POC1B: variants seen among roughly 807,000 people sequenced by gnomAD.
The protein encoded by POC1B is POC1 centriolar protein B.
In POC1B, 44 loss-of-function variants were observed where a neutral mutation model predicts 60.6. The observed-to-expected ratio is 0.73, with a 90% confidence interval of 0.57 to 0.93. The LOEUF (loss-of-function observed/expected upper bound fraction) is 0.93. Ranked by LOEUF, POC1B falls within the 40% of genes least tolerant of loss-of-function variation. POC1B has a pLI of 0.00. For missense variants in POC1B, 555 were observed against 572.3 expected (o/e 0.97, Z 0.31); for synonymous variants, 180 against 198.9 (o/e 0.90, Z 0.80).
chr12:89,466,606 TA>T, intron 9 of POC1B, 163 bp downstream of exon 9: 1 of 567,116 alleles, frequency 1.8e-6, no homozygotes, highest in Non-Finnish European at 2.9e-6. Context: ...GAAACAAATA[TA>T]AAACTTTATT....
intron 9 of POC1B, among the ~76,000 whole-genome samples, chr12:89,466,011 C>G (rs1200238097): frequency 6.6e-6 from 1 of 152,170 alleles, no homozygotes. Flanking sequence ...TGCATTGCTG[C>G]TCAGGAATAC....
Position 89,523,348 on chromosome 12 carries a change from G to A in POC1B, c.100+1772C>T, listed in dbSNP as rs563822484. ...AATATCACCATAAGCTTCTTTTCTT[G>A]CTGGAGGGTTTCTATTGTAGAAGTG... On this transcript the variant is annotated intron_variant, in intron 2 of 11. Transcript: ENST00000313546. 8 of 1,614,010 alleles carry A rather than the reference G, an allele frequency of 5.0e-6. No homozygotes were observed. In the African/African-American group the frequency reaches 1.1e-4, roughly 22 times the overall value.
At chr12:89,459,903 A>C in intron 9 of POC1B, 185 bp from the exon 10 acceptor site, 1 of 500,542 alleles carries the variant, frequency 2.0e-6, no homozygotes, top group Non-Finnish European at 3.5e-6. Flanking sequence ...AACGTATAAG[A>C]AAAGATCATT....
chr12:89,467,422 A>C (rs1882724363), intron 8 of POC1B, among the ~76,000 whole-genome samples, 195 bp downstream of exon 8: 1 of 152,204 alleles, frequency 6.6e-6, no homozygotes, highest in Non-Finnish European at 1.5e-5. Context: ...AAAGAAAATA[A>C]CTATTTGAGT....
chr12:89,472,277 T>C lies in POC1B; in HGVS notation c.453-2A>G. The C allele has an allele frequency of 6.4e-7, 1 of 1,552,274 alleles. No individual in the cohort carries two copies. The highest frequency in any genetic ancestry group is 1.7e-5 in the Admixed American group (1 of 59,160). On this transcript the variant is annotated splice_acceptor_variant, in intron 4 of 11. Transcript: ENST00000313546. LOFTEE classifies it high-confidence loss of function. ...ATTAGTCTTCCATCGGGTGAAAATC[T>C]AGAAAGAAGAAGAAAGAAGATGTTT... is the stretch of plus-strand genomic sequence containing the variant.
intron 10 of POC1B, among the ~76,000 whole-genome samples, chr12:89,450,888 C>T (rs998270431): frequency 3.9e-5 from 6 of 152,002 alleles, no homozygotes; most frequent in Non-Finnish European, 7.4e-5. Flanking sequence ...CAAAGTACAG[C>T]CATTATTTTA....
chr12:89,479,618 C>T (rs1883244680), intron 4 of POC1B, among the ~76,000 whole-genome samples: 1 of 151,860 alleles, frequency 6.6e-6, no homozygotes, highest in African/African-American at 2.4e-5. Flanking sequence ...ACTACCTATT[C>T]ACCTCCTCTT....
intron 10 of POC1B, among the ~76,000 whole-genome samples, chr12:89,448,129 A>T (rs1312719778): frequency 6.6e-6 from 1 of 152,142 alleles, no homozygotes; most frequent in East Asian, 1.9e-4. Context: ...TTACCAGGAA[A>T]GCATAGCTGT....
At chr12:89,407,569 A>T in the POC1B span, among the ~76,000 whole-genome samples, 1 of 152,178 alleles carries the variant, frequency 6.6e-6, no homozygotes, top group African/African-American at 2.4e-5. Context: ...AAATATTGGC[A>T]CCTAATTTGA....
chr12:89,495,700 TGGATGATTTTG>T (rs757239124), intron 3 of POC1B, among the ~76,000 whole-genome samples: 1 of 152,056 alleles, frequency 6.6e-6, no homozygotes, highest in Non-Finnish European at 1.5e-5. Context: ...GGGGGAAGGA[TGGATGATTTTG>T]GGATGATTCA....
chr12:89,402,109 A>G, the POC1B span, among the ~76,000 whole-genome samples: 3 of 152,200 alleles, frequency 2.0e-5, no homozygotes, highest in African/African-American at 7.2e-5. Context: ...GCAGGTGTCC[A>G]GTTAAGTGTT....
intron 9 of POC1B, among the ~76,000 whole-genome samples, chr12:89,460,373 A>G (rs1387488420): frequency 6.6e-6 from 1 of 152,210 alleles, no homozygotes; most frequent in Non-Finnish European, 1.5e-5. Flanking sequence ...TAGAAACTGT[A>G]TCATAAATAA....
At chr12:89,513,965 G>A (rs1870311962) in intron 2 of POC1B, among the ~76,000 whole-genome samples, 1 of 152,142 alleles carries the variant, frequency 6.6e-6, no homozygotes, top group South Asian at 2.1e-4. Flanking sequence ...AAAAAGGGAT[G>A]ACAACACTTC....
At chr12:89,514,917 G>A (rs947538017) in intron 2 of POC1B, among the ~76,000 whole-genome samples, 28 of 151,860 alleles carry the variant, frequency 1.8e-4, no homozygotes, top group South Asian at 4.2e-4. Flanking sequence ...TGGTACCCAC[G>A]CCTTCTCTCC....
At chr12:89,421,330 A>G in intron 11 of POC1B, 73 bp from the exon 12 acceptor site, 1 of 1,273,322 alleles carries the variant, frequency 7.9e-7, no homozygotes, top group Non-Finnish European at 1.1e-6. Flanking sequence ...ATCTCTGCAT[A>G]GGAAATCCTT....
At chr12:89,424,493 C>T (rs141966895) in intron 11 of POC1B, among the ~76,000 whole-genome samples, 1 of 152,118 alleles carries the variant, frequency 6.6e-6, no homozygotes, top group Non-Finnish European at 1.5e-5. Context: ...CTACTGTCCA[C>T]TCTGACAAAT....
At chr12:89,413,874 G>GTTTA in the POC1B span, among the ~76,000 whole-genome samples, 1,222 of 151,762 alleles carry the variant, frequency 8.1e-3, 24 homozygotes, top group African/African-American at 0.027. Context: ...TTATTTATTT[G>GTTTA]TTTATTTATT....
chr12:89,466,950 GTTA>G, intron 8 of POC1B, 28 bp from the exon 9 acceptor site: 1 of 1,592,056 alleles, frequency 6.3e-7, no homozygotes, highest in Non-Finnish European at 8.6e-7. Context: ...GATGTTGGCA[GTTA>G]TTGACTTGCA....
At chr12:89,501,867 C>T in intron 2 of POC1B, 1 of 1,192,990 alleles carries the variant, frequency 8.4e-7, no homozygotes, top group Non-Finnish European at 1.3e-6. Flanking sequence ...CTAAAGACAG[C>T]CAAAGAGTAC....
Sources: gnomAD v4.1 joint callset for allele counts (sites outside exome capture counted in the v4.1 genomes callset) on GRCh38, gnomAD v4.1.1 for gene constraint, MANE v1.5 for transcripts, NCBI Gene and HGNC (gene_info 2026-07-23, HGNC 2026-07-21) for gene names.